KLHL1: variants seen among roughly 807,000 people sequenced by gnomAD.
KLHL1 encodes the protein kelch-like protein 1.
Under a neutral mutation model 77.7 loss-of-function variants are expected in KLHL1, and 47 were observed. The observed-to-expected ratio is 0.60, with a 90% CI of 0.48 to 0.77. The LOEUF (loss-of-function observed/expected upper bound fraction) is 0.77. Among genes scored for constraint, KLHL1 ranks in the 30% least tolerant of loss-of-function variants. The pLI is 0.00. For synonymous variants in KLHL1, 360 were observed against 325.2 expected (o/e 1.11, Z -1.15); for missense variants, 925 against 910.8 (o/e 1.02, Z -0.20).
At position 69,789,092 on chromosome 13, in the gene KLHL1, T is replaced by C. The variant is rs528264943; in HGVS notation, c.1639+7646A>G. 3.3e-5 allele frequency among the ~76,000 whole-genome samples: 5 copies of C among 152,184 alleles called. No individual in the cohort carries two copies. In the South Asian group the frequency reaches 1.0e-3, roughly 32 times the overall value. On this transcript the variant is annotated intron_variant, in intron 7 of 10. Transcript: ENST00000377844. ...TTATTTACCTACATATCCATCTGTCTATACCTATGCCTATATTAAAATCTG... is the reference window on the plus strand; with the variant it reads ...TTATTTACCTACATATCCATCTGTCCATACCTATGCCTATATTAAAATCTG...
At chr13:69,824,022 T>TA (rs1239611090) in intron 6 of KLHL1, among the ~76,000 whole-genome samples, 3 of 152,022 alleles carry the variant, frequency 2.0e-5, no homozygotes, top group Admixed American at 6.6e-5. Flanking sequence ...ATGTATATAA[T>TA]AGTCTACGAG....
intron 6 of KLHL1, among the ~76,000 whole-genome samples, chr13:69,813,976 A>G (rs1864454255): frequency 6.6e-6 from 1 of 152,158 alleles, no homozygotes; most frequent in African/African-American, 2.4e-5. Context: ...TGGAGGCATC[A>G]CATTACCTGA....
rs1442822050 is a variant in KLHL1, at chr13:69,707,809, G to A, written c.2016-13C>T. Reference sequence around the variant, plus strand: ...TTTGGGATCATATCTAAAATTCAATGACAATAGTACATAACATATTCTAAT... The same window carrying A: ...TTTGGGATCATATCTAAAATTCAATAACAATAGTACATAACATATTCTAAT... On this transcript the variant is annotated splice_polypyrimidine_tract_variant and intron_variant, in intron 9 of 10. Transcript: ENST00000377844. 3 of 1,609,320 alleles carry A rather than the reference G, an allele frequency of 1.9e-6. No individual in the cohort carries two copies. The highest frequency in any genetic ancestry group is 2.7e-5 in the African/African-American group (2 of 74,660).
At chr13:69,881,996 T>C (rs1050007882) in intron 5 of KLHL1, among the ~76,000 whole-genome samples, 2 of 151,816 alleles carry the variant, frequency 1.3e-5, no homozygotes, top group Non-Finnish European at 2.9e-5. Context: ...AAAACTTCTG[T>C]ATGGCAGTAT....
chr13:70,010,370 T>TA (rs796971633), intron 1 of KLHL1, among the ~76,000 whole-genome samples: 74 of 149,468 alleles, frequency 5.0e-4, no homozygotes, highest in African/African-American at 1.5e-3. Flanking sequence ...GAAAAGGATT[T>TA]AAAAAAAAAA....
In KLHL1 at chr13:69,975,748, G is replaced by A. The variant is rs546688901; in HGVS notation, c.552C>T (p.Ser184=). Residue 184 remains serine (S), a synonymous_variant, in exon 2 of 11, where the codon AGC becomes AGT. Coordinates refer to ENST00000377844, the MANE Select transcript of KLHL1 (RefSeq NM_020866.3). ...MTPQSDLDSS[S]SEEFYQAVHH... is the part of the protein sequence containing the mutation. ...GAACAGCTTGATAGAATTCTTCAGA[G>A]CTACTGGAGTCCAAATCACTTTGAG... is the stretch of plus-strand genomic sequence containing the variant. The A allele has an allele frequency of 6.2e-7, 1 of 1,613,376 alleles. No homozygotes were observed. Among genetic ancestry groups the A allele is most frequent in the Admixed American group, 1.7e-5 (1 of 59,822 alleles).
At chr13:69,760,841 GT>G (rs1277648279) in intron 7 of KLHL1, among the ~76,000 whole-genome samples, 1 of 152,062 alleles carries the variant, frequency 6.6e-6, no homozygotes, top group Non-Finnish European at 1.5e-5. Context: ...ATACAATATA[GT>G]TTATTTTGAA....
chr13:70,012,488 C>T (rs774837932), intron 1 of KLHL1, among the ~76,000 whole-genome samples: 10 of 151,888 alleles, frequency 6.6e-5, no homozygotes, highest in Non-Finnish European at 1.2e-4. Flanking sequence ...ACTCCAGGAA[C>T]GCCATTTAAG....
intron 2 of KLHL1, among the ~76,000 whole-genome samples, chr13:69,974,665 TATTTA>T (rs925541084): frequency 7.2e-5 from 11 of 152,008 alleles, no homozygotes; most frequent in African/African-American, 2.4e-4. Context: ...CATACAATAT[TATTTA>T]ATTTATAAGT....
chr13:70,073,229 T>C (rs1161730666), intron 1 of KLHL1, among the ~76,000 whole-genome samples: 1 of 152,028 alleles, frequency 6.6e-6, no homozygotes, highest in Non-Finnish European at 1.5e-5. Context: ...TATGCGGCCA[T>C]AAAAAAGGAT....
intron 4 of KLHL1, among the ~76,000 whole-genome samples, chr13:69,902,463 T>G (rs978644427): frequency 4.6e-5 from 7 of 152,090 alleles, no homozygotes; most frequent in African/African-American, 1.4e-4. Context: ...TTGTAACATT[T>G]TAAAGGGTAA....
chr13:70,099,326 C>T (rs960420242), intron 1 of KLHL1, among the ~76,000 whole-genome samples: 35 of 151,642 alleles, frequency 2.3e-4, no homozygotes, highest in Non-Finnish European at 2.1e-4. Context: ...AGTATTCATA[C>T]TTCCCATTGT....
intron 5 of KLHL1, among the ~76,000 whole-genome samples, chr13:69,852,336 G>T (rs1879723869): frequency 6.6e-6 from 1 of 151,886 alleles, no homozygotes; most frequent in Non-Finnish European, 1.5e-5. Context: ...TTTTATTTCA[G>T]AAATGTTAAC....
In KLHL1 at chr13:70,107,537, G is replaced by T; in HGVS notation, c.163C>A (p.Arg55Ser). 1 of 1,609,970 alleles carries T rather than the reference G, an allele frequency of 6.2e-7. No homozygotes were observed. The highest frequency in any genetic ancestry group is 8.5e-7 in the Non-Finnish European group (1 of 1,177,636). ...SFEHWGPSQSRLLKSQERSGV... is the reference protein window; with the variant it reads ...SFEHWGPSQSSLLKSQERSGV... The stretch of plus-strand genomic sequence containing the variant: ...CTTCTCTCTTGGCTTTTGAGCAGGC[G>T]ACTCTGGCTGGGTCCCCAGTGCTCA... The change falls in exon 1 of 11, where the codon CGC becomes AGC. Residue 55 changes from arginine to serine, a missense_variant. By Grantham distance (110) the Arg-to-Ser change is moderately radical (BLOSUM62 -1). Transcript: ENST00000377844.
intron 5 of KLHL1, among the ~76,000 whole-genome samples, chr13:69,855,921 CAT>C (rs1190560083): frequency 4.3e-5 from 6 of 138,248 alleles, no homozygotes; most frequent in East Asian, 2.0e-4. Context: ...TATGTTATAA[CAT>C]ATTAATATGC....
At chr13:69,920,830 T>C (rs1882608732) in intron 4 of KLHL1, among the ~76,000 whole-genome samples, 1 of 152,142 alleles carries the variant, frequency 6.6e-6, no homozygotes, top group Non-Finnish European at 1.5e-5. Flanking sequence ...AAAACACCTC[T>C]AAACATTAAT....
intron 4 of KLHL1, among the ~76,000 whole-genome samples, chr13:69,892,693 A>G (rs1276254348): frequency 6.6e-6 from 1 of 152,216 alleles, no homozygotes; most frequent in Non-Finnish European, 1.5e-5. Flanking sequence ...GCTTATATGC[A>G]TAAATGATAC....
intron 1 of KLHL1, among the ~76,000 whole-genome samples, chr13:70,014,954 T>C (rs1885622397): frequency 6.6e-6 from 1 of 151,682 alleles, no homozygotes; most frequent in Admixed American, 6.6e-5. Flanking sequence ...TAACATGTGG[T>C]TTATTAAAAA....
At chr13:69,781,636 G>A (rs1461729881) in intron 7 of KLHL1, among the ~76,000 whole-genome samples, 1 of 151,982 alleles carries the variant, frequency 6.6e-6, no homozygotes, top group African/African-American at 2.4e-5. Context: ...CTCAGTATGG[G>A]AGATATTGTA....
Sources: allele counts gnomAD v4.1 joint callset (sites outside exome capture counted in the v4.1 genomes callset), GRCh38; gene constraint gnomAD v4.1.1; transcripts MANE v1.5; gene names NCBI Gene and HGNC (gene_info 2026-07-23, HGNC 2026-07-21).